The following ADGRV1 variants were observed in gnomAD, a reference collection of about 807,000 sequenced individuals.
ADGRV1 encodes the protein adhesion G protein-coupled receptor V1.
ADGRV1 carries 359 observed loss-of-function variants against 596.2 expected under a neutral mutation model. The observed-to-expected ratio is 0.60, with a 90% CI of 0.55 to 0.66. ADGRV1 has a LOEUF of 0.66. ADGRV1 is among the 30% of genes least tolerant of loss of function. The pLI is 0.00. For synonymous variants in ADGRV1, 2,681 were observed against 2,679.2 expected, an observed-to-expected ratio of 1.00 and a Z score of -0.02; for missense variants, 7,274 against 7,575.6, an observed-to-expected ratio of 0.96 and a Z score of 1.48.
intron 83 of ADGRV1, among the ~76,000 whole-genome samples, chr5:90,867,733 G>A (rs190822782): frequency 1.7e-3 from 253 of 152,256 alleles, no homozygotes; most frequent in African/African-American, 5.8e-3. Flanking sequence ...TGTGAGTAAG[G>A]CTTGAAGACA....
At chr5:91,014,452 A>G (rs891610710) in intron 85 of ADGRV1, among the ~76,000 whole-genome samples, 2 of 152,018 alleles carry the variant, frequency 1.3e-5, no homozygotes, top group Non-Finnish European at 2.9e-5. Context: ...TAGAAATAGT[A>G]CCAGCTCTTC....
chr5:90,784,996 A>G (rs1759271143), intron 67 of ADGRV1, among the ~76,000 whole-genome samples: 1 of 152,228 alleles, frequency 6.6e-6, no homozygotes, highest in Non-Finnish European at 1.5e-5. Flanking sequence ...AGCTGGAGGC[A>G]TCATGCTACC....
intron 85 of ADGRV1, among the ~76,000 whole-genome samples, chr5:90,990,477 T>C (rs1780869272): frequency 6.6e-6 from 1 of 152,154 alleles, no homozygotes; most frequent in South Asian, 2.1e-4. Context: ...GCCTTAACAA[T>C]GCACCGTTCA....
At position 91,013,216 on chromosome 5, in the gene ADGRV1, G is replaced by A. The variant is rs1315951649; in HGVS notation, c.18152+27694G>A. Reference sequence around the variant, plus strand: ...CATGCATGTGTCTTTATGATAGAATGATTTCTATTCCTATGGATATCATAC... The same window carrying A: ...CATGCATGTGTCTTTATGATAGAATAATTTCTATTCCTATGGATATCATAC... On this transcript the variant is annotated intron_variant, in intron 85 of 89. Transcript: ENST00000405460. Among the ~76,000 whole-genome samples the A allele has an allele frequency of 2.6e-5, 4 of 152,016 alleles. No individual in the cohort carries two copies. In the South Asian group the frequency reaches 6.2e-4, roughly 24 times the overall value.
chr5:90,839,476 A>G (rs188725236), intron 77 of ADGRV1, among the ~76,000 whole-genome samples: 1 of 152,220 alleles, frequency 6.6e-6, no homozygotes, highest in Non-Finnish European at 1.5e-5. Context: ...AGCCTCCCAA[A>G]GTGCTGGGTT....
chr5:91,138,896 C>T (rs187372685), intron 87 of ADGRV1, among the ~76,000 whole-genome samples: 195 of 152,006 alleles, frequency 1.3e-3, no homozygotes, highest in African/African-American at 4.5e-3. Context: ...CTCAGCTTCC[C>T]GAGTAACTGG....
At chr5:91,080,363 G>A (rs1468946121) in intron 86 of ADGRV1, among the ~76,000 whole-genome samples, 1 of 151,960 alleles carries the variant, frequency 6.6e-6, no homozygotes, top group Non-Finnish European at 1.5e-5. Flanking sequence ...GCTTAGAAAC[G>A]TTTTCACATT....
intron 82 of ADGRV1, among the ~76,000 whole-genome samples, chr5:90,862,269 T>A: frequency 6.6e-6 from 1 of 151,974 alleles, no homozygotes; most frequent in Non-Finnish European, 1.5e-5. Flanking sequence ...TCTACCACAG[T>A]CAACTTACAG....
At chr5:90,874,874 AAAAAC>A (rs1769082481) in intron 83 of ADGRV1, among the ~76,000 whole-genome samples, 1 of 152,152 alleles carries the variant, frequency 6.6e-6, no homozygotes, top group South Asian at 2.1e-4. Context: ...ACAAAAAACA[AAAAAC>A]AACCTGGTTA....
At chr5:91,019,371 G>T (rs1046516732) in intron 85 of ADGRV1, among the ~76,000 whole-genome samples, 9 of 151,992 alleles carry the variant, frequency 5.9e-5, no homozygotes, top group Non-Finnish European at 4.4e-5. Flanking sequence ...CTTTGTGATT[G>T]TTGTCTCCTT....
intron 84 of ADGRV1, among the ~76,000 whole-genome samples, chr5:90,982,801 G>C (rs1317629373): frequency 6.6e-6 from 1 of 152,180 alleles, no homozygotes; most frequent in South Asian, 2.1e-4. Flanking sequence ...CAATGTCAGG[G>C]AGTACACAGA....
intron 83 of ADGRV1, among the ~76,000 whole-genome samples, chr5:90,929,870 A>G (rs938605706): frequency 7.2e-5 from 11 of 152,204 alleles, no homozygotes; most frequent in African/African-American, 2.4e-4. Flanking sequence ...AACGTTAAGG[A>G]AAGTAAATGA....
intron 83 of ADGRV1, among the ~76,000 whole-genome samples, chr5:90,961,359 C>T (rs143708517): frequency 3.3e-5 from 5 of 151,842 alleles, no homozygotes; most frequent in Admixed American, 1.3e-4. Flanking sequence ...AATGGTGGCA[C>T]GCCCTGTAGT....
chr5:90,752,636 T>C (rs986900896), intron 53 of ADGRV1, among the ~76,000 whole-genome samples: 2 of 152,218 alleles, frequency 1.3e-5, no homozygotes, highest in Non-Finnish European at 2.9e-5. Context: ...TGATCTCATT[T>C]TTCTTTTATG....
At chr5:91,107,252 G>A (rs951786336) in intron 87 of ADGRV1, among the ~76,000 whole-genome samples, 1 of 152,014 alleles carries the variant, frequency 6.6e-6, no homozygotes, top group South Asian at 2.1e-4. Flanking sequence ...AAGGGAGGTT[G>A]GTTGGTTCAA....
rs5869522 is a variant in ADGRV1, at chr5:90,813,132, CAAAAAAAAAA to C, written c.16078+1817_16078+1826del. Among the ~76,000 whole-genome samples the C allele has an allele frequency of 1.0e-3, 35 of 34,922 alleles. 3 individuals are homozygous for C. Among genetic ancestry groups the C allele is most frequent in the East Asian group, 4.3e-3 (3 of 690 alleles). 22.9% of individuals were successfully genotyped at this position (34,922 alleles called of 152,430 possible). A position where few individuals can be genotyped will look rare whatever the true frequency, so the allele number is the denominator to read the frequency against. ...TGGGCGACAGAGTAAGACTCCGTCT[CAAAAAAAAAA>C]AAAAAAAAAAAAAAAAAAAAAATTT... On this transcript the variant is annotated intron_variant, in intron 74 of 89. Transcript: ENST00000405460.
rs143356203 is a variant in ADGRV1, at chr5:90,691,054, G to A, written c.6951+13G>A. ...GGAGATTGAAGAGGTGAGAGGACTG[G>A]CTAGTATAGAATGACACTGTAAATC... is the stretch of plus-strand genomic sequence containing the variant. On this transcript the variant is annotated intron_variant, in intron 31 of 89. Transcript: ENST00000405460. 1.7e-4 allele frequency: 276 copies of A among 1,613,566 alleles called. No individual in the cohort carries two copies. The East Asian group carries it at 5.7e-3, about 33-fold the overall frequency.
At chr5:90,920,443 T>A (rs545964362) in intron 83 of ADGRV1, among the ~76,000 whole-genome samples, 6 of 151,758 alleles carry the variant, frequency 4.0e-5, no homozygotes, top group African/African-American at 7.3e-5. Flanking sequence ...TTCCTAAATT[T>A]AAAAAAAAAT....
intron 33 of ADGRV1, 92 bp from the exon 34 acceptor site, chr5:90,696,844 AC>A: frequency 1.2e-6 from 1 of 845,986 alleles, no homozygotes; most frequent in Non-Finnish European, 1.8e-6. Context: ...TTTTTATTTA[AC>A]TTTTAAACAT....
Sources: allele counts gnomAD v4.1 joint callset (sites outside exome capture counted in the v4.1 genomes callset), GRCh38; gene constraint gnomAD v4.1.1; transcripts MANE v1.5; gene names NCBI Gene and HGNC (gene_info 2026-07-23, HGNC 2026-07-21).